DUSP29: variants seen among roughly 807,000 people sequenced by gnomAD.
DUSP29 encodes the protein dual specificity phosphatase 29, also known as atypical dual-specific protein phosphatase.
DUSP29 carries 12 observed loss-of-function variants against 13.5 expected under a neutral mutation model. The ratio of observed to expected loss-of-function variants is 0.89; its 90% CI spans 0.57 to 1.44. The LOEUF is 1.44. DUSP29 is among the 40% of genes most tolerant of loss of function. The probability of loss-of-function intolerance (pLI) is 0.00; values close to 1 mark genes in which losing one functional copy is unlikely to be tolerated. For synonymous variants in DUSP29, 134 were observed against 128.7 expected (o/e 1.04, Z -0.28); for missense variants, 308 against 301.1 (o/e 1.02, Z -0.17).
intron 2 of DUSP29, among the ~76,000 whole-genome samples, chr10:75,049,698 C>T (rs79714953): frequency 0.013 from 1,910 of 152,354 alleles, 14 homozygotes; most frequent in Admixed American, 0.018. Context: ...CATTCGTGCT[C>T]GGTGCCTTAA....
intron 3 of DUSP29, among the ~76,000 whole-genome samples, chr10:75,040,596 C>T (rs1028363958): frequency 2.0e-5 from 3 of 152,280 alleles, no homozygotes; most frequent in South Asian, 2.1e-4. Context: ...CCATGATATT[C>T]GGTGACCTCT....
chr10:75,057,078 C>A (rs920526491), intron 2 of DUSP29, among the ~76,000 whole-genome samples: 5 of 151,964 alleles, frequency 3.3e-5, no homozygotes, highest in Non-Finnish European at 5.9e-5. Flanking sequence ...GAGTTGGAGA[C>A]CAGCCTGGCC....
chr10:75,071,363 G>A (rs1390331888), intron 1 of DUSP29, among the ~76,000 whole-genome samples: 2 of 152,180 alleles, frequency 1.3e-5, no homozygotes, highest in Admixed American at 6.5e-5. Flanking sequence ...CTTGGTGGAG[G>A]CTGCTCACCC....
At chr10:75,048,471 C>A (rs907067803) in intron 2 of DUSP29, among the ~76,000 whole-genome samples, 1 of 151,570 alleles carries the variant, frequency 6.6e-6, no homozygotes, top group African/African-American at 2.4e-5. Context: ...CGGCTCACTG[C>A]TCACTGCAAC....
At position 75,065,029 on chromosome 10, in the gene DUSP29, C is replaced by T. The variant is rs141483074; in HGVS notation, c.-34-6481G>A. ...CGATTTCTACCCCATCTCACTTGCTCCTGGGGCCTGGCACTGTCACTGGCC... is the reference window on the plus strand; with the variant it reads ...CGATTTCTACCCCATCTCACTTGCTTCTGGGGCCTGGCACTGTCACTGGCC... On this transcript the variant is annotated intron_variant, in intron 1 of 3. Transcript: ENST00000338487. 1.2e-3 allele frequency among the ~76,000 whole-genome samples: 186 copies of T among 152,232 alleles called. No homozygotes were observed. In the Middle Eastern group the frequency reaches 0.014, roughly 11 times the overall value.
At chr10:75,058,575 G>C in intron 1 of DUSP29, 27 bp from the exon 2 acceptor site, 2 of 1,569,922 alleles carry the variant, frequency 1.3e-6, no homozygotes, top group Non-Finnish European at 1.7e-6. Flanking sequence ...AGCAGGATGG[G>C]GGTTAGCAGG....
intron 1 of DUSP29, among the ~76,000 whole-genome samples, chr10:75,071,731 A>C (rs1847331630): frequency 6.6e-6 from 1 of 151,962 alleles, no homozygotes; most frequent in South Asian, 2.1e-4. Flanking sequence ...CCAGGGCTCC[A>C]CCTCCACAGA....
chr10:75,070,066 GAAGA>G (rs1226745927), intron 1 of DUSP29, among the ~76,000 whole-genome samples: 2 of 99,230 alleles, frequency 2.0e-5, no homozygotes, highest in African/African-American at 8.2e-5. Context: ...AAGAAAGAAA[GAAGA>G]AAGGAAGGAA....
In DUSP29 at chr10:75,058,561, G is replaced by A; in HGVS notation, c.-34-13C>T. On this transcript the variant is annotated splice_polypyrimidine_tract_variant and intron_variant, in intron 1 of 3. Coordinates refer to ENST00000338487, the MANE Select transcript of DUSP29 (RefSeq NM_001003892.3). ...CTCCTTTCTGCAGCTGGTTATGAGAGAGAAGCAGGATGGGGGTTAGCAGGG... is the reference window on the plus strand; with the variant it reads ...CTCCTTTCTGCAGCTGGTTATGAGAAAGAAGCAGGATGGGGGTTAGCAGGG... 1.2e-6 allele frequency: 2 copies of A among 1,606,104 alleles called. No homozygotes were observed. The highest frequency in any genetic ancestry group is 1.7e-4 in the Middle Eastern group (1 of 6,038).
At chr10:75,053,492 T>C (rs2134292312) in intron 2 of DUSP29, among the ~76,000 whole-genome samples, 1 of 152,358 alleles carries the variant, frequency 6.6e-6, no homozygotes. Context: ...TAAGTCCCAT[T>C]ATTGTTGCCA....
In DUSP29 at chr10:75,037,490, G is replaced by A. The variant is rs765141587; in HGVS notation, c.*346C>T. Among the ~76,000 whole-genome samples, 3 of 152,318 alleles carry A rather than the reference G, an allele frequency of 2.0e-5. No individual in the cohort carries two copies. Among genetic ancestry groups the A allele is most frequent in the East Asian group, 1.9e-4 (1 of 5,192 alleles). ...ACTTTCCTTTCAGACAAAGCCAAAC[G>A]TTTAATCACAACATACTGCCTACAC... On this transcript the variant is annotated 3_prime_UTR_variant, in exon 4 of 4. Coordinates refer to ENST00000338487, the MANE Select transcript of DUSP29 (RefSeq NM_001003892.3).
At position 75,058,430 on chromosome 10, in the gene DUSP29, C is replaced by T. The variant is rs776375278; in HGVS notation, c.85G>A (p.Glu29Lys). The T allele has an allele frequency of 6.2e-7, 1 of 1,614,254 alleles. No individual in the cohort carries two copies. The highest frequency in any genetic ancestry group is 1.7e-5 in the Admixed American group (1 of 60,028). Residue 29 changes from glutamate (E) to lysine (K), a missense_variant, in exon 2 of 4, where the codon GAG becomes AAG. Glu to Lys is a moderately conservative substitution (Grantham distance 56). Coordinates refer to ENST00000338487, the MANE Select transcript of DUSP29 (RefSeq NM_001003892.3). ...CCAGGGGTGCAGTAGTCCTCCTCCT[C>T]CCCTTCCTCCTCCATCTTCGGCGAC... ...RLSPKMEEEG[E>K]EEDYCTPGAF...
intron 1 of DUSP29, among the ~76,000 whole-genome samples, chr10:75,068,941 A>G (rs1847261976): frequency 6.6e-6 from 1 of 152,160 alleles, no homozygotes; most frequent in Non-Finnish European, 1.5e-5. Context: ...TTCCTAATGT[A>G]TCAGACATAT....
intron 2 of DUSP29, among the ~76,000 whole-genome samples, chr10:75,052,371 A>T (rs1465655010): frequency 7.2e-6 from 1 of 138,126 alleles, no homozygotes; most frequent in African/African-American, 2.8e-5. Context: ...CAGTGGCGCG[A>T]TCTCGGCTCA....
intron 2 of DUSP29, among the ~76,000 whole-genome samples, chr10:75,054,773 G>A (rs990010687): frequency 1.3e-5 from 2 of 152,054 alleles, no homozygotes; most frequent in African/African-American, 2.4e-5. Context: ...AGCCCTGTGA[G>A]GAAGGTTATC....
At chr10:75,058,662 C>G in intron 1 of DUSP29, 114 bp from the exon 2 acceptor site, 1 of 930,804 alleles carries the variant, frequency 1.1e-6, no homozygotes, top group Non-Finnish European at 1.6e-6. Flanking sequence ...AGAGTTTCCC[C>G]AACCTGCTAT....
chr10:75,043,840 G>C lies in DUSP29; in HGVS notation c.378C>G (p.Tyr126Ter). 1 of 1,613,868 alleles carries C rather than the reference G, an allele frequency of 6.2e-7. No homozygotes were observed. The highest frequency in any genetic ancestry group is 8.5e-7 in the Non-Finnish European group (1 of 1,179,928). ...CTCTGTCGATGAAGGCTGCCGCCGG[G>C]TAGAAGAAGACACTGAGGTCGAAGG... is the stretch of plus-strand genomic sequence containing the variant. The part of the protein sequence containing the change: ...LPTFDLSVFF[Y>*]PAAAFIDRAL... The change falls in exon 3 of 4, where the codon TAC (tyrosine) becomes TAG (stop). Residue 126 changes from tyrosine (Y) to a stop codon, truncating the protein, a stop_gained. Transcript: ENST00000338487. LOFTEE classifies it low-confidence loss of function (END_TRUNC).
chr10:75,043,932 T>G lies in DUSP29; in HGVS notation c.286A>C (p.Thr96Pro). ...NAAHGRWNVD[T>P]GPDYYRDMDI... ...ATGTCGCGGTAGTAGTCGGGCCCAGTGTCCACGTTCCAGCGGCCGTGGGCC... is the reference window on the plus strand; with the variant it reads ...ATGTCGCGGTAGTAGTCGGGCCCAGGGTCCACGTTCCAGCGGCCGTGGGCC... Residue 96 changes from threonine (T) to proline (P), a missense_variant, in exon 3 of 4, where the codon ACT becomes CCT. Physicochemically the swap from Thr to Pro is conservative, Grantham distance 38 (BLOSUM62 -1). Coordinates refer to ENST00000338487, the MANE Select transcript of DUSP29 (RefSeq NM_001003892.3). 1 of 1,613,824 alleles carries G rather than the reference T, an allele frequency of 6.2e-7. No individual in the cohort carries two copies. Among genetic ancestry groups the G allele is most frequent in the Non-Finnish European group, 8.5e-7 (1 of 1,179,932 alleles).
chr10:75,045,664 G>A (rs1218034159), intron 2 of DUSP29, among the ~76,000 whole-genome samples: 1 of 152,206 alleles, frequency 6.6e-6, no homozygotes, highest in Non-Finnish European at 1.5e-5. Context: ...GGAAGCCAGT[G>A]TGGCTGAAGT....
Sources: gnomAD v4.1 joint callset for allele counts (sites outside exome capture counted in the v4.1 genomes callset) on GRCh38, gnomAD v4.1.1 for gene constraint, MANE v1.5 for transcripts, NCBI Gene and HGNC (gene_info 2026-07-23, HGNC 2026-07-21) for gene names.